Variants in PDE10A observed in about 807,000 individuals in gnomAD.
PDE10A encodes cAMP and cAMP-inhibited cGMP 3',5'-cyclic phosphodiesterase 10A.
Under a neutral mutation model 97.7 loss-of-function variants are expected in PDE10A, and 39 were observed. That is an observed-to-expected ratio of 0.40 (90% confidence interval 0.31 to 0.52). The LOEUF (loss-of-function observed/expected upper bound fraction) is 0.52. Ranked by LOEUF, PDE10A falls within the 20% of genes least tolerant of loss-of-function variation. The pLI, the probability that PDE10A is intolerant of heterozygous loss-of-function variation, is 0.56. For missense variants in PDE10A, 731 were observed against 1,047.8 expected (o/e 0.70, Z 4.17); for synonymous variants, 371 against 376.8 (o/e 0.98, Z 0.18).
At chr6:165,719,203 C>G (rs1418337457) in intron 1 of PDE10A, among the ~76,000 whole-genome samples, 1 of 152,112 alleles carries the variant, frequency 6.6e-6, no homozygotes, top group Non-Finnish European at 1.5e-5. Flanking sequence ...AGAAGTAACA[C>G]AGGAAAATCA....
intron 4 of PDE10A, among the ~76,000 whole-genome samples, chr6:165,449,751 A>G (rs539671092): frequency 6.6e-6 from 1 of 152,316 alleles, no homozygotes; most frequent in East Asian, 1.9e-4. Flanking sequence ...CAAAAGATAC[A>G]ATTGTCATAG....
chr6:165,462,305 A>G (rs1424184020), intron 3 of PDE10A, among the ~76,000 whole-genome samples: 1 of 152,234 alleles, frequency 6.6e-6, no homozygotes, highest in Non-Finnish European at 1.5e-5. Flanking sequence ...TAGCATTATT[A>G]ACTTTAAATT....
Position 165,609,019 on chromosome 6 carries a change from G to A in PDE10A, c.865+52928C>T, listed in dbSNP as rs1188324590. Among the ~76,000 whole-genome samples, 4 of 152,188 alleles carry A rather than the reference G, an allele frequency of 2.6e-5. No homozygotes were observed. The East Asian group carries it at 7.7e-4, about 29-fold the overall frequency. On this transcript the variant is annotated intron_variant, in intron 1 of 21. Transcript: ENST00000539869. ...GATTCTGGATATTAGCCCTTTGTCA[G>A]ATGAGTAGATTGCAAAAATTTTCTC...
At chr6:165,375,029 ACTGCTCCACCAACTGG>A (rs1287238402) in intron 18 of PDE10A, among the ~76,000 whole-genome samples, 2 of 152,130 alleles carry the variant, frequency 1.3e-5, no homozygotes, top group Non-Finnish European at 2.9e-5. Context: ...GTGTATTCAG[ACTGCTCCACCAACTGG>A]CTGTTCCCCC....
Position 165,775,614 on chromosome 6 carries a change from C to A in PDE10A, c.-615+211915G>T, listed in dbSNP as rs372919750. The A allele has an allele frequency of 1.6e-4, 24 of 152,258 alleles. 1 individual carries two copies. The East Asian group carries it at 2.1e-3, about 13-fold the overall frequency. 9.4% of individuals were successfully genotyped at this position (152,258 alleles called of 1,614,324 possible). ...AAGATAATGCACCGCTTACATTTTC[C>A]TAGTGGAACAATAAATTTTATTTCG... On this transcript the variant is annotated intron_variant, in intron 1 of 19. Coordinates refer to the PDE10A transcript ENST00000366882.
chr6:165,867,393 A>G (rs1194681378), intron 1 of PDE10A, among the ~76,000 whole-genome samples: 3 of 152,160 alleles, frequency 2.0e-5, no homozygotes, highest in African/African-American at 7.2e-5. Context: ...CAGGCAAAAT[A>G]TACTTTAAGT....
At chr6:165,458,598 C>T (rs1778101236) in intron 3 of PDE10A, among the ~76,000 whole-genome samples, 1 of 152,072 alleles carries the variant, frequency 6.6e-6, no homozygotes, top group Non-Finnish European at 1.5e-5. Flanking sequence ...TTCCATTTTT[C>T]TTATTTGCCT....
At chr6:165,451,053 G>A (rs377450574) in intron 3 of PDE10A, among the ~76,000 whole-genome samples, 7 of 152,262 alleles carry the variant, frequency 4.6e-5, no homozygotes, top group African/African-American at 1.4e-4. Context: ...TGCTGCAGTC[G>A]CTGCACTGGG....
intron 3 of PDE10A, among the ~76,000 whole-genome samples, chr6:165,466,751 T>C (rs576974474): frequency 6.6e-6 from 1 of 152,254 alleles, no homozygotes; most frequent in Admixed American, 6.5e-5. Context: ...AAAACAATGT[T>C]GAAATTAGAC....
intron 1 of PDE10A, among the ~76,000 whole-genome samples, chr6:165,729,224 G>A (rs1217887195): frequency 1.3e-5 from 2 of 151,574 alleles, no homozygotes; most frequent in Non-Finnish European, 2.9e-5. Flanking sequence ...AAGATTTCCA[G>A]GAAAATTTGA....
chr6:165,744,578 T>C (rs1792802224), intron 1 of PDE10A, among the ~76,000 whole-genome samples: 1 of 151,950 alleles, frequency 6.6e-6, no homozygotes, highest in African/African-American at 2.4e-5. Context: ...AATTTTTTTT[T>C]CATAAATTTG....
At chr6:165,868,300 C>A (rs1781112069) in intron 1 of PDE10A, among the ~76,000 whole-genome samples, 1 of 151,712 alleles carries the variant, frequency 6.6e-6, no homozygotes, top group Non-Finnish European at 1.5e-5. Context: ...AGAGAGAAGG[C>A]CCAAATAAAT....
intron 1 of PDE10A, among the ~76,000 whole-genome samples, chr6:165,616,120 G>GA (rs1455205870): frequency 1.3e-5 from 2 of 151,698 alleles, no homozygotes; most frequent in African/African-American, 4.8e-5. Context: ...GGCATTTTCC[G>GA]AGTCGGTTGT....
rs1789896040 is a variant in PDE10A at position 165,655,467 on chromosome 6, T to C, written c.865+6480A>G. ...TTCCAGCCAAAAACCCAGGCATGGATTCTTGATTCCTCTCTCTCCCTTGAC... is the reference window on the plus strand; with the variant it reads ...TTCCAGCCAAAAACCCAGGCATGGACTCTTGATTCCTCTCTCTCCCTTGAC... On this transcript the variant is annotated intron_variant, in intron 1 of 21. Coordinates refer to ENST00000539869, the MANE Select transcript of PDE10A (RefSeq NM_001385079.1). This position sits in a 1 kb window ranked among gnomAD's most constrained non-coding sequence, Gnocchi z 4.5. Among the ~76,000 whole-genome samples the C allele has an allele frequency of 6.6e-6, 1 of 151,898 alleles. No individual in the cohort carries two copies. The highest frequency in any genetic ancestry group is 6.6e-5 in the Admixed American group (1 of 15,264).
chr6:165,362,825 T>C (rs73243913), intron 18 of PDE10A, among the ~76,000 whole-genome samples: 1,934 of 152,238 alleles, frequency 0.013, 37 homozygotes, highest in African/African-American at 0.044. Flanking sequence ...CGAAATATCA[T>C]CAAGCCAAAT....
At chr6:165,446,759 G>C (rs1159236471) in intron 5 of PDE10A, among the ~76,000 whole-genome samples, 2 of 152,140 alleles carry the variant, frequency 1.3e-5, no homozygotes, top group Non-Finnish European at 2.9e-5. Flanking sequence ...ATTTTGCTAT[G>C]TACCCTGCTG....
intron 1 of PDE10A, among the ~76,000 whole-genome samples, chr6:165,771,654 T>TAAAAA (rs35902541): frequency 1.8e-4 from 19 of 106,316 alleles, no homozygotes; most frequent in Non-Finnish European, 2.6e-4. Context: ...TTTAACAAGA[T>TAAAAA]AAAAAAAAAA....
intron 2 of PDE10A, among the ~76,000 whole-genome samples, chr6:165,525,328 G>GA (rs1782372531): frequency 1.3e-5 from 2 of 152,162 alleles, no homozygotes; most frequent in Non-Finnish European, 2.9e-5. Context: ...TAAGTAGGGA[G>GA]TCTATTTTTA....
At chr6:165,635,236 G>T (rs991492111) in intron 1 of PDE10A, among the ~76,000 whole-genome samples, 1 of 152,176 alleles carries the variant, frequency 6.6e-6, no homozygotes, top group East Asian at 1.9e-4. Context: ...AGGCAAGTAT[G>T]ATCCCAAAAT....
Sources: allele counts gnomAD v4.1 joint callset (sites outside exome capture counted in the v4.1 genomes callset), GRCh38; gene constraint gnomAD v4.1.1; non-coding constraint Gnocchi (gnomAD v3.1); transcripts MANE v1.5; gene names NCBI Gene and HGNC (gene_info 2026-07-23, HGNC 2026-07-21).